LYPD8: variants seen among roughly 807,000 people sequenced by gnomAD.
LYPD8 encodes the protein ly6/PLAUR domain-containing protein 8.
In LYPD8, 8 loss-of-function variants were observed where a neutral mutation model predicts 1.7. The observed-to-expected ratio is 4.58, with a 90% CI of 2.69 to 8.27. The LOEUF is 8.27. LYPD8 is among the 30% of genes most tolerant of loss of function. LYPD8 has a pLI of 0.00. For missense variants in LYPD8, 112 were observed against 102.3 expected (o/e 1.09, Z -0.41); for synonymous variants, 50 against 43.6 (o/e 1.15, Z -0.58).
chr1:248,746,424 A>G (rs1463485809), intron 5 of LYPD8, among the ~76,000 whole-genome samples: 1 of 152,238 alleles, frequency 6.6e-6, no homozygotes, highest in East Asian at 1.9e-4. Flanking sequence ...AATTGCTGTA[A>G]GTCCGATGTT....
rs1662550822 is a variant in LYPD8 at position 248,739,680 on chromosome 1, GT to G, written c.644del (p.Asn215ThrfsTer62). The G allele has an allele frequency of 1.3e-6, 2 of 1,551,630 alleles. No homozygotes were observed. Among genetic ancestry groups the G allele is most frequent in the Non-Finnish European group, 8.7e-7 (1 of 1,147,000 alleles). On this transcript the variant is annotated frameshift_variant, in exon 7 of 7. Transcript: ENST00000590317. LOFTEE classifies it low-confidence loss of function (END_TRUNC). The surrounding 1 kb of genome is among the most constrained non-coding windows in gnomAD (Gnocchi z 4.3). Reference sequence around the variant, plus strand: ...GGTAGAGGGAAGCTTTGGAGCCCACGTTGTGGGAAGTGGTTGGTGCAGACGT... The same window carrying G: ...GGTAGAGGGAAGCTTTGGAGCCCACGTGTGGGAAGTGGTTGGTGCAGACGT... The part of the protein sequence containing the change: ...TPTSAPTTSH[N>X]VGSKASLYLL...
At chr1:248,751,734 T>C (rs1662805394) in intron 2 of LYPD8, among the ~76,000 whole-genome samples, 1 of 152,166 alleles carries the variant, frequency 6.6e-6, no homozygotes. Flanking sequence ...GTCTTACTTC[T>C]GGGAGGTATC....
chr1:248,745,468 G>T (rs1453453051), intron 5 of LYPD8, among the ~76,000 whole-genome samples, 189 bp from the exon 6 acceptor site: 1 of 152,212 alleles, frequency 6.6e-6, no homozygotes, highest in African/African-American at 2.4e-5. Flanking sequence ...CCACAGATCT[G>T]CTCTAACAGA....
Position 248,750,528 on chromosome 1 carries a change from A to AGAGGAGCTGGCT in LYPD8, c.156_167dup (p.Ala53_Ser56dup). ...GACACACACACCCAGGCTCACCTAG[A>AGAGGAGCTGGCT]GAGGAGCTGGCTGAGGAGCTGATAC... On this transcript the variant is annotated inframe_insertion, in exon 4 of 7. Transcript: ENST00000590317. The AGAGGAGCTGGCT allele has an allele frequency of 2.5e-6, 1 of 398,572 alleles. No homozygotes were observed. The highest frequency in any genetic ancestry group is 4.4e-6 in the Non-Finnish European group (1 of 226,076). 24.7% of individuals were successfully genotyped at this position (398,572 alleles called of 1,614,324 possible).
At chr1:248,751,241 G>A (rs1401265688) in intron 2 of LYPD8, 111 bp from the exon 3 acceptor site, 1 of 394,596 alleles carries the variant, frequency 2.5e-6, no homozygotes, top group African/African-American at 2.1e-5. Flanking sequence ...CCTTGTGACA[G>A]AAAGAATCAA....
intron 2 of LYPD8, among the ~76,000 whole-genome samples, chr1:248,751,663 T>C (rs1286481147): frequency 6.6e-6 from 1 of 152,186 alleles, no homozygotes; most frequent in African/African-American, 2.4e-5. Context: ...GCAGGTATTA[T>C]TATTAGCATC....
chr1:248,753,323 A>AC (rs1662861277), intron 2 of LYPD8, among the ~76,000 whole-genome samples: 1 of 71,612 alleles, frequency 1.4e-5, no homozygotes, highest in Non-Finnish European at 2.8e-5. Flanking sequence ...CACAACACAC[A>AC]ACACATCACA....
In LYPD8 at chr1:248,751,096, C is replaced by T. The variant is rs1662794539; in HGVS notation, c.-15G>A. On this transcript the variant is annotated 5_prime_UTR_variant, in exon 3 of 7. Transcript: ENST00000590317. The stretch of plus-strand genomic sequence containing the variant: ...ATGCCCTTCATGGTGCTGGAGCTGA[C>T]TTCTCCCAAGGATGGGGACCACAGG... The T allele has an allele frequency of 2.5e-6, 1 of 398,512 alleles. No homozygotes were observed. The highest frequency in any genetic ancestry group is 4.4e-6 in the Non-Finnish European group (1 of 226,068). The allele number at this position is 398,512 out of a possible 1,614,324, so 24.7% of individuals were successfully genotyped here. A position where few individuals can be genotyped will look rare whatever the true frequency, so the allele number is the denominator to read the frequency against.
intron 6 of LYPD8, among the ~76,000 whole-genome samples, chr1:248,741,407 A>G (rs529142596): frequency 9.9e-5 from 15 of 152,164 alleles, no homozygotes; most frequent in Non-Finnish European, 1.9e-4. Context: ...GGGTTTCACC[A>G]TGTTGGCCAG....
At chr1:248,743,791 C>A (rs1359492600) in intron 6 of LYPD8, among the ~76,000 whole-genome samples, 7 of 152,176 alleles carry the variant, frequency 4.6e-5, no homozygotes, top group Admixed American at 4.6e-4. Context: ...TCCTCCACTA[C>A]CTCTCTTTCC....
At chr1:248,752,752 C>CAT (rs1662826894) in intron 2 of LYPD8, among the ~76,000 whole-genome samples, 1 of 124,766 alleles carries the variant, frequency 8.0e-6, no homozygotes, top group African/African-American at 3.0e-5. Context: ...ACCACACACC[C>CAT]CACACACACC....
At chr1:248,744,375 C>T (rs1286092287) in intron 6 of LYPD8, among the ~76,000 whole-genome samples, 1 of 152,244 alleles carries the variant, frequency 6.6e-6, no homozygotes, top group African/African-American at 2.4e-5. Flanking sequence ...ATGGCCAGCA[C>T]CCACCCAGGG....
chr1:248,744,026 GTATACTGATAGATGGAGTCCACA>G (rs1662675446), intron 6 of LYPD8, among the ~76,000 whole-genome samples: 3 of 152,210 alleles, frequency 2.0e-5, no homozygotes, highest in Admixed American at 6.5e-5. Context: ...CTAAGACAGT[GTATACTGATAGATGGAGTCCACA>G]TAAACAAAAG....
intron 2 of LYPD8, among the ~76,000 whole-genome samples, chr1:248,753,814 A>G (rs972761360): frequency 9.4e-4 from 139 of 148,322 alleles, no homozygotes; most frequent in African/African-American, 3.4e-3. Flanking sequence ...CATACACCAC[A>G]CACACCACAT....
intron 5 of LYPD8, among the ~76,000 whole-genome samples, chr1:248,746,296 A>C (rs1394694409): frequency 6.6e-6 from 1 of 152,202 alleles, no homozygotes; most frequent in African/African-American, 2.4e-5. Flanking sequence ...AGATCACAAA[A>C]TTTGAGAACT....
intron 5 of LYPD8, among the ~76,000 whole-genome samples, chr1:248,746,574 C>G (rs1662729618): frequency 6.6e-6 from 1 of 150,396 alleles, no homozygotes; most frequent in South Asian, 2.1e-4. Context: ...GCAGCACCCA[C>G]CCAGGGCATC....
chr1:248,754,704 C>G (rs1490093407), intron 2 of LYPD8, among the ~76,000 whole-genome samples: 1 of 152,152 alleles, frequency 6.6e-6, no homozygotes, highest in South Asian at 2.1e-4. Context: ...GGAAACCAGT[C>G]GGTCTGGGAG....
At chr1:248,752,653 CA>C (rs1662822213) in intron 2 of LYPD8, among the ~76,000 whole-genome samples, 2,183 of 20,230 alleles carry the variant, frequency 0.11, no homozygotes, top group African/African-American at 0.16. Context: ...CAACACACAA[CA>C]CACACCACAC....
chr1:248,755,671 C>G (rs1450889818), intron 1 of LYPD8, 34 bp downstream of exon 1: 1 of 152,332 alleles, frequency 6.6e-6, no homozygotes, highest in East Asian at 1.9e-4. Flanking sequence ...CAGCTTCTCC[C>G]AGGGCTCAGG....
Sources: gnomAD v4.1 joint callset for allele counts (sites outside exome capture counted in the v4.1 genomes callset) on GRCh38, gnomAD v4.1.1 for gene constraint, Gnocchi (gnomAD v3.1) non-coding constraint, MANE v1.5 for transcripts, NCBI Gene and HGNC (gene_info 2026-07-23, HGNC 2026-07-21) for gene names.